Variants in DPP6 observed in about 807,000 individuals in gnomAD.
DPP6 encodes the protein dipeptidyl peptidase like 6.
DPP6 carries 69 observed loss-of-function variants against 122.6 expected under a neutral mutation model. That is an observed-to-expected ratio of 0.56 (90% CI 0.46 to 0.69). The LOEUF (loss-of-function observed/expected upper bound fraction) is 0.69, where lower values mean the gene tolerates loss of function less well. DPP6 is among the 30% of genes least tolerant of loss of function. DPP6 has a pLI of 0.00. For synonymous variants in DPP6, 418 were observed against 433.1 expected (o/e 0.97, Z 0.43); for missense variants, 928 against 1,116.9 (o/e 0.83, Z 2.41).
At chr7:154,318,987 T>C (rs1275260132) in intron 1 of DPP6, among the ~76,000 whole-genome samples, 1 of 152,144 alleles carries the variant, frequency 6.6e-6, no homozygotes, top group Non-Finnish European at 1.5e-5. Flanking sequence ...GCGGTTCTGG[T>C]TTAGAGTGTG....
chr7:154,886,727 C>T (rs1319643641), intron 22 of DPP6, among the ~76,000 whole-genome samples: 6 of 152,266 alleles, frequency 3.9e-5, no homozygotes, highest in South Asian at 2.1e-4. Context: ...GTTGGAGGAA[C>T]GAGTCCAGCC....
intron 1 of DPP6, among the ~76,000 whole-genome samples, chr7:154,135,754 T>C (rs374257234): frequency 1.3e-4 from 19 of 151,862 alleles, no homozygotes; most frequent in African/African-American, 4.1e-4. Context: ...ACACTTCCTA[T>C]CTGTGCACTT....
intron 1 of DPP6, among the ~76,000 whole-genome samples, chr7:154,298,956 C>A (rs940670445): frequency 1.3e-5 from 2 of 152,206 alleles, no homozygotes; most frequent in Non-Finnish European, 2.9e-5. Flanking sequence ...CACCAACTCG[C>A]CTTGGGTCTT....
chr7:153,905,141 C>G (rs1226450103), intron 1 of DPP6, among the ~76,000 whole-genome samples: 3 of 152,282 alleles, frequency 2.0e-5, no homozygotes, highest in African/African-American at 7.2e-5. Flanking sequence ...GTCTTATGAC[C>G]CACAGTCGAA....
At chr7:153,890,479 C>T (rs563183382) in intron 1 of DPP6, among the ~76,000 whole-genome samples, 1 of 152,236 alleles carries the variant, frequency 6.6e-6, no homozygotes, top group East Asian at 1.9e-4. Context: ...CCCGGCTGGT[C>T]CTTGCCATGC....
At chr7:154,746,236 C>A (rs1186411548) in intron 8 of DPP6, among the ~76,000 whole-genome samples, 1 of 152,100 alleles carries the variant, frequency 6.6e-6, no homozygotes, top group Non-Finnish European at 1.5e-5. Flanking sequence ...GGAAAAAGCA[C>A]AAAAAGACTG....
intron 1 of DPP6, among the ~76,000 whole-genome samples, chr7:154,091,738 AGGGCGG>A (rs1804863118): frequency 6.6e-6 from 1 of 152,044 alleles, no homozygotes; most frequent in Non-Finnish European, 1.5e-5. Context: ...CTCAGGAGAT[AGGGCGG>A]TGTCACTGCC....
chr7:154,085,453 A>T lies in DPP6; in HGVS notation c.243+32390A>T, dbSNP rs111581201. ...TCGCCAACTAGACAGTAAGCATTTT[A>T]TACCTCTTTTTAATGTCTATTATTT... On this transcript the variant is annotated intron_variant, in intron 1 of 25. Transcript: ENST00000377770. Among the ~76,000 whole-genome samples the T allele has an allele frequency of 1.9e-3, 287 of 152,348 alleles. 2 individuals carry two copies. Among genetic ancestry groups the T allele is most frequent in the African/African-American group, 6.4e-3 (268 of 41,576 alleles).
chr7:154,805,001 C>G, intron 15 of DPP6, 37 bp downstream of exon 15: 1 of 1,572,380 alleles, frequency 6.4e-7, no homozygotes, highest in Non-Finnish European at 8.6e-7. Context: ...GGCTCTCCCC[C>G]TTAGGAGGGC....
chr7:154,483,049 A>G lies in DPP6; in HGVS notation c.457+8012A>G, dbSNP rs759980997. ...AGAGGTTGGAGCCATCTGGAGGACC[A>G]TGGAAAGCGTGGGTTGTGGAGGTAC... On this transcript the variant is annotated intron_variant, in intron 3 of 25. Transcript: ENST00000377770. This position sits in a 1 kb window ranked among gnomAD's most constrained non-coding sequence, Gnocchi z 8.1. 7.2e-5 allele frequency among the ~76,000 whole-genome samples: 11 copies of G among 152,208 alleles called. No individual in the cohort carries two copies. The highest frequency in any genetic ancestry group is 1.6e-4 in the Non-Finnish European group (11 of 67,994).
chr7:154,237,627 A>G (rs1324069962), intron 1 of DPP6, among the ~76,000 whole-genome samples: 1 of 152,078 alleles, frequency 6.6e-6, no homozygotes, highest in Non-Finnish European at 1.5e-5. Context: ...ACACCATTTC[A>G]TCTAGAAACC....
At chr7:154,850,825 C>T (rs1328587044) in intron 16 of DPP6, among the ~76,000 whole-genome samples, 1 of 152,154 alleles carries the variant, frequency 6.6e-6, no homozygotes, top group Non-Finnish European at 1.5e-5. Flanking sequence ...TTTGCATCTT[C>T]TCTCTTTTTT....
intron 7 of DPP6, among the ~76,000 whole-genome samples, chr7:154,721,987 A>G (rs1841836713): frequency 1.3e-5 from 2 of 148,790 alleles, no homozygotes; most frequent in Non-Finnish European, 3.0e-5. Context: ...CAACATAGTG[A>G]GACCCCATCT....
At chr7:154,771,508 A>G (rs951894756) in intron 9 of DPP6, among the ~76,000 whole-genome samples, 1 of 152,126 alleles carries the variant, frequency 6.6e-6, no homozygotes, top group Non-Finnish European at 1.5e-5. Flanking sequence ...TCTAACCTCA[A>G]TCACCTCCCA....
At chr7:154,199,149 C>T (rs1799032480) in intron 1 of DPP6, among the ~76,000 whole-genome samples, 1 of 152,054 alleles carries the variant, frequency 6.6e-6, no homozygotes, top group African/African-American at 2.4e-5. Flanking sequence ...TTCCTTCTCC[C>T]CTAATTGCAA....
Position 154,060,265 on chromosome 7 carries a change from CGCG to C in DPP6, c.243+7203_243+7205del, listed in dbSNP as rs1563149105. On this transcript the variant is annotated intron_variant, in intron 1 of 25. Transcript: ENST00000377770. The stretch of plus-strand genomic sequence containing the variant: ...CATCGCTGGGGGCGGAGGCACCCCC[CGCG>C]AGGCAGGGACTGAGAGGCAATCCCT... Among the ~76,000 whole-genome samples the C allele has an allele frequency of 1.9e-4, 25 of 130,522 alleles. 1 individual carries two copies. The South Asian group carries it at 2.4e-3, about 13-fold the overall frequency. 85.6% of individuals were successfully genotyped at this position (130,522 alleles called of 152,430 possible).
intron 16 of DPP6, among the ~76,000 whole-genome samples, chr7:154,850,739 T>A (rs1292327034): frequency 6.6e-6 from 1 of 152,256 alleles, no homozygotes; most frequent in Admixed American, 6.5e-5. Context: ...TGCCATGTAA[T>A]TGTTCATAGT....
intron 1 of DPP6, among the ~76,000 whole-genome samples, chr7:154,230,268 G>A (rs1800846413): frequency 1.3e-5 from 2 of 152,238 alleles, no homozygotes; most frequent in South Asian, 2.1e-4. Context: ...ACTCTTAATA[G>A]GAAGTAGGTA....
intron 1 of DPP6, among the ~76,000 whole-genome samples, chr7:154,211,012 G>A (rs1799711935): frequency 6.6e-6 from 1 of 152,202 alleles, no homozygotes; most frequent in African/African-American, 2.4e-5. Flanking sequence ...CGATAGTGGA[G>A]CTGGGAGCTA....
Sources: gnomAD v4.1 joint callset for allele counts (sites outside exome capture counted in the v4.1 genomes callset) on GRCh38, gnomAD v4.1.1 for gene constraint, Gnocchi (gnomAD v3.1) non-coding constraint, MANE v1.5 for transcripts, NCBI Gene and HGNC (gene_info 2026-07-23, HGNC 2026-07-21) for gene names.